The following EPHB2 variants were observed in gnomAD, a reference collection of about 807,000 sequenced individuals.
The protein encoded by EPHB2 is EPH receptor B2, also known as ephrin type-B receptor 2.
In EPHB2, 18 loss-of-function variants were observed where a neutral mutation model predicts 96.4. The observed-to-expected ratio is 0.19, with a 90% CI of 0.13 to 0.28. EPHB2 has a LOEUF of 0.28. EPHB2 is among the 10% of genes least tolerant of loss of function. EPHB2 has a pLI of 1.00. For missense variants in EPHB2, 989 were observed against 1,355.4 expected (o/e 0.73, Z 4.25); for synonymous variants, 506 against 534.1 (o/e 0.95, Z 0.72).
intron 1 of EPHB2, among the ~76,000 whole-genome samples, chr1:22,745,626 G>C (rs1643963318): frequency 6.6e-6 from 1 of 152,094 alleles, no homozygotes; most frequent in East Asian, 1.9e-4. Flanking sequence ...TTGGCTTTGG[G>C]CAAGTGACCT....
chr1:22,899,193 CA>C (rs34967134), intron 9 of EPHB2, among the ~76,000 whole-genome samples: 58,472 of 115,050 alleles, frequency 0.51, 13,049 homozygotes, highest in Middle Eastern at 0.59. Flanking sequence ...AACGCCATCT[CA>C]AAAAAAAAAA....
intron 1 of EPHB2, among the ~76,000 whole-genome samples, chr1:22,764,144 C>T (rs61768161): frequency 6.6e-6 from 1 of 152,206 alleles, no homozygotes; most frequent in Non-Finnish European, 1.5e-5. Context: ...GGACATTATT[C>T]TGTCTCCCAT....
intron 14 of EPHB2, among the ~76,000 whole-genome samples, chr1:22,912,045 C>G (rs1037363406): frequency 6.6e-6 from 1 of 152,150 alleles, no homozygotes; most frequent in African/African-American, 2.4e-5. Context: ...GAGAATGGCA[C>G]TGGGAGAGGA....
rs1047585410 is a variant in EPHB2, at chr1:22,860,761, C to A, written c.812-2276C>A. On this transcript the variant is annotated intron_variant, in intron 3 of 15. Coordinates refer to ENST00000374630, the MANE Select transcript of EPHB2 (RefSeq NM_017449.5). The surrounding 1 kb of genome is among the most constrained non-coding windows in gnomAD (Gnocchi z 4.6). ...TAGACCTTCCTGGAAGCCTTGTGCC[C>A]CCATTCTGCAGAGGAGGAAACCCGT... Among the ~76,000 whole-genome samples, 8 of 152,150 alleles carry A rather than the reference C, an allele frequency of 5.3e-5. No homozygotes were observed. Among genetic ancestry groups the A allele is most frequent in the African/African-American group, 1.9e-4 (8 of 41,432 alleles).
chr1:22,899,763 TGGGA>T (rs1639689932), intron 9 of EPHB2, among the ~76,000 whole-genome samples: 1 of 151,166 alleles, frequency 6.6e-6, no homozygotes, highest in African/African-American at 2.4e-5. Flanking sequence ...GAGGCTGAGG[TGGGA>T]GGATCACTTG....
At chr1:22,901,829 G>GTGTGTGTT (rs1483027479) in intron 9 of EPHB2, among the ~76,000 whole-genome samples, 122 of 151,888 alleles carry the variant, frequency 8.0e-4, no homozygotes, top group African/African-American at 2.8e-3. Flanking sequence ...GAGTGTGTGT[G>GTGTGTGTT]TGTGTGTGTG....
intron 1 of EPHB2, among the ~76,000 whole-genome samples, chr1:22,769,112 G>A (rs1460480815): frequency 6.6e-6 from 1 of 152,156 alleles, no homozygotes; most frequent in Non-Finnish European, 1.5e-5. Context: ...TTTGGGGTGG[G>A]ATGGGCCCCA....
Position 22,821,405 on chromosome 1 carries a change from T to G in EPHB2, c.811+36329T>G, listed in dbSNP as rs182375079. On this transcript the variant is annotated intron_variant, in intron 3 of 15. Coordinates refer to ENST00000374630, the MANE Select transcript of EPHB2 (RefSeq NM_017449.5). ...GTGACTTCCATCAGCATTATTCTAATGCTGATGTTTAGATGGAAATTTACA... is the reference window on the plus strand; with the variant it reads ...GTGACTTCCATCAGCATTATTCTAAGGCTGATGTTTAGATGGAAATTTACA... Among the ~76,000 whole-genome samples, 6 of 152,326 alleles carry G rather than the reference T, an allele frequency of 3.9e-5. No homozygotes were observed. The East Asian group carries it at 1.2e-3, about 29-fold the overall frequency.
intron 1 of EPHB2, among the ~76,000 whole-genome samples, chr1:22,723,449 A>G (rs183014617): frequency 7.0e-4 from 106 of 152,320 alleles, no homozygotes; most frequent in African/African-American, 2.4e-3. Flanking sequence ...ACAGTGGAAA[A>G]GGGCTCCTGA....
intron 3 of EPHB2, 124 bp downstream of exon 3, chr1:22,785,200 C>T: frequency 8.1e-7 from 1 of 1,227,246 alleles, no homozygotes; most frequent in Non-Finnish European, 1.1e-6. Context: ...ACTCTAGGGC[C>T]AGGGTTTCCA....
intron 1 of EPHB2, among the ~76,000 whole-genome samples, chr1:22,781,126 C>T (rs547768224): frequency 6.6e-6 from 1 of 152,070 alleles, no homozygotes; most frequent in East Asian, 1.9e-4. Context: ...CGAGACCGTC[C>T]TGGCTAACAC....
intron 13 of EPHB2, 91 bp from the exon 14 acceptor site, chr1:22,910,291 G>A (rs1020283597): frequency 5.1e-5 from 78 of 1,530,356 alleles, no homozygotes; most frequent in Non-Finnish European, 4.6e-5. Flanking sequence ...TAGGTCAGAC[G>A]TGCAATGTAC....
intron 1 of EPHB2, among the ~76,000 whole-genome samples, chr1:22,752,572 C>A (rs976397405): frequency 6.7e-6 from 1 of 150,110 alleles, no homozygotes; most frequent in South Asian, 2.1e-4. Context: ...TATAAAATTA[C>A]CACGTAGTCA....
intron 1 of EPHB2, among the ~76,000 whole-genome samples, chr1:22,729,174 G>A (rs1366393420): frequency 6.6e-6 from 1 of 152,216 alleles, no homozygotes; most frequent in Non-Finnish European, 1.5e-5. Flanking sequence ...GGCAGACCTT[G>A]GGCAGCAAGT....
intron 6 of EPHB2, chr1:22,891,154 C>T (rs781212792): frequency 4.4e-6 from 2 of 455,940 alleles, no homozygotes; most frequent in Admixed American, 2.3e-5. Context: ...AGTTAAGGAA[C>T]TTGCCCAAGG....
chr1:22,856,229 G>A (rs1026896081), intron 3 of EPHB2, among the ~76,000 whole-genome samples: 9 of 152,222 alleles, frequency 5.9e-5, no homozygotes, highest in African/African-American at 1.7e-4. Context: ...CAGCCCCACC[G>A]TGCCAGGCCC....
rs1413555896 is a variant in EPHB2 at position 22,920,180 on chromosome 1, A to G, written c.*6610A>G. 1 of 152,254 alleles carries G rather than the reference A, an allele frequency of 6.6e-6. No homozygotes were observed. The highest frequency in any genetic ancestry group is 1.5e-5 in the Non-Finnish European group (1 of 68,096). The allele number at this position is 152,254 out of a possible 1,614,324, so 9.4% of individuals were successfully genotyped here. On this transcript the variant is annotated 3_prime_UTR_variant, in exon 16 of 16. Transcript: ENST00000374630. ...ATGCATCAGGCCTTCCTGGGGGTAAAAGGGGCTGGCTGTTCCAGGCTACAG... is the reference window on the plus strand; with the variant it reads ...ATGCATCAGGCCTTCCTGGGGGTAAGAGGGGCTGGCTGTTCCAGGCTACAG...
chr1:22,730,101 A>AG (rs1400194586), intron 1 of EPHB2, among the ~76,000 whole-genome samples: 1 of 152,314 alleles, frequency 6.6e-6, no homozygotes, highest in Admixed American at 6.5e-5. Flanking sequence ...GAGGTGAATT[A>AG]GGCATCATGG....
In EPHB2 at chr1:22,910,556, A is replaced by T. The variant is rs1436199887; in HGVS notation, c.2677A>T (p.Met893Leu). ...CCGCAATCCCAACAGCCTCAAAGCC[A>T]TGGCGCCCCTCTCCTCTGGGTAAGG... Reference protein sequence around the residue: ...MIRNPNSLKAMAPLSSGINLP... With the variant: ...MIRNPNSLKALAPLSSGINLP... The change falls in exon 14 of 16, where the codon ATG (methionine) becomes TTG (leucine). Residue 893 changes from methionine to leucine, a missense_variant. Met to Leu is a conservative substitution (Grantham distance 15). Transcript: ENST00000374630. The T allele has an allele frequency of 5.0e-6, 8 of 1,614,034 alleles. No individual in the cohort carries two copies. The highest frequency in any genetic ancestry group is 6.8e-6 in the Non-Finnish European group (8 of 1,180,018).
Sources: allele counts gnomAD v4.1 joint callset (sites outside exome capture counted in the v4.1 genomes callset), GRCh38; gene constraint gnomAD v4.1.1; non-coding constraint Gnocchi (gnomAD v3.1); transcripts MANE v1.5; gene names NCBI Gene and HGNC (gene_info 2026-07-23, HGNC 2026-07-21).